ACOXL: variants seen among roughly 807,000 people sequenced by gnomAD.
ACOXL encodes acyl-coenzyme A oxidase-like protein.
A neutral mutation model predicts 71.9 loss-of-function variants in ACOXL; 70 were observed. That is an observed-to-expected ratio of 0.97 (90% CI 0.80 to 1.19). The LOEUF (loss-of-function observed/expected upper bound fraction) is 1.19. Among genes scored for constraint, ACOXL ranks in the 50% most tolerant of loss-of-function variants. ACOXL has a pLI of 0.00. For missense variants in ACOXL, 703 were observed against 736.3 expected (o/e 0.95, Z 0.52); for synonymous variants, 253 against 281.6 (o/e 0.90, Z 1.02).
At chr2:110,918,574 G>A (rs1574117491) in intron 11 of ACOXL, among the ~76,000 whole-genome samples, 1 of 152,166 alleles carries the variant, frequency 6.6e-6, no homozygotes, top group East Asian at 1.9e-4. Context: ...AAACTAAAGA[G>A]CTTCTGCACA....
chr2:110,847,232 T>C (rs1050374897), intron 10 of ACOXL, among the ~76,000 whole-genome samples: 2 of 152,114 alleles, frequency 1.3e-5, no homozygotes, highest in African/African-American at 4.8e-5. Flanking sequence ...TTAGATGTTC[T>C]TCCTGCCTGA....
intron 17 of ACOXL, among the ~76,000 whole-genome samples, chr2:111,102,629 A>T (rs1249219219): frequency 2.6e-5 from 4 of 150,960 alleles, no homozygotes; most frequent in African/African-American, 9.8e-5. Flanking sequence ...CTTGTACCTA[A>T]GAATAGCCAT....
intron 11 of ACOXL, among the ~76,000 whole-genome samples, chr2:110,918,790 CAT>C (rs1438125883): frequency 6.6e-6 from 1 of 152,096 alleles, no homozygotes; most frequent in African/African-American, 2.4e-5. Flanking sequence ...AGCCAACAAA[CAT>C]ATGAAAAAAA....
intron 12 of ACOXL, among the ~76,000 whole-genome samples, chr2:110,948,806 C>G (rs1243469723): frequency 1.3e-5 from 2 of 151,658 alleles, no homozygotes; most frequent in African/African-American, 4.8e-5. Context: ...GAACAGTCCT[C>G]CAGGCAAAGT....
At position 111,117,686 on chromosome 2, in the gene ACOXL, C is replaced by G; in HGVS notation, c.1613C>G (p.Thr538Ser). ...ATCTCGACCTTTAACATTCCACACA[C>G]CTACCTCCACGCACCAATCGCCGGA... The part of the protein sequence containing the change: ...RVISTFNIPH[T>S]YLHAPIAGIS... The change falls in exon 18 of 18, where the codon ACC becomes AGC. Residue 538 changes from threonine (T) to serine (S), a missense_variant. Transcript: ENST00000439055. 1 of 1,551,800 alleles carries G rather than the reference C, an allele frequency of 6.4e-7. No homozygotes were observed. The highest frequency in any genetic ancestry group is 8.7e-7 in the Non-Finnish European group (1 of 1,147,012).
At chr2:110,840,787 T>C (rs1457251025) in intron 9 of ACOXL, among the ~76,000 whole-genome samples, 1 of 152,178 alleles carries the variant, frequency 6.6e-6, no homozygotes, top group Non-Finnish European at 1.5e-5. Context: ...AATTTCAGGC[T>C]TGATTTATTT....
At chr2:110,987,306 T>C in intron 13 of ACOXL, 89 bp downstream of exon 13, 1 of 1,241,430 alleles carries the variant, frequency 8.1e-7, no homozygotes, top group Non-Finnish European at 1.1e-6. Context: ...TCACTCTTGC[T>C]TGAAATTTTT....
At chr2:110,990,920 G>A (rs1330737182) in intron 13 of ACOXL, among the ~76,000 whole-genome samples, 2 of 152,048 alleles carry the variant, frequency 1.3e-5, no homozygotes, top group Non-Finnish European at 2.9e-5. Context: ...TTAGGGGGAG[G>A]AGATTGTATA....
At chr2:110,816,780 A>C (rs978636008) in intron 9 of ACOXL, among the ~76,000 whole-genome samples, 2 of 152,214 alleles carry the variant, frequency 1.3e-5, no homozygotes, top group Non-Finnish European at 2.9e-5. Context: ...GGGGAATTCT[A>C]TCCGGGTGAG....
intron 10 of ACOXL, among the ~76,000 whole-genome samples, chr2:110,898,018 A>G (rs1278720047): frequency 6.6e-6 from 1 of 152,116 alleles, no homozygotes; most frequent in East Asian, 1.9e-4. Flanking sequence ...TCGTTAAAAA[A>G]CCCACAAAAT....
In ACOXL at chr2:110,801,440, G is replaced by T. The variant is rs1685980247; in HGVS notation, c.548-212G>T. 2.6e-5 allele frequency among the ~76,000 whole-genome samples: 4 copies of T among 152,278 alleles called. No homozygotes were observed. The Middle Eastern group carries it at 0.014, about 518-fold the overall frequency. On this transcript the variant is annotated intron_variant, in intron 7 of 17. Coordinates refer to ENST00000439055, the MANE Select transcript of ACOXL (RefSeq NM_001142807.4). ...GGAGAGTCCATTCTCCTCCACTCTC[G>T]CTAAGGAGGAAGGGGCCAGGCTGGT...
intron 3 of ACOXL, among the ~76,000 whole-genome samples, chr2:110,785,350 G>A (rs981042502): frequency 2.0e-5 from 3 of 149,942 alleles, no homozygotes; most frequent in Admixed American, 1.3e-4. Flanking sequence ...CAGATTTCAC[G>A]AGTTTTTACA....
At chr2:110,787,828 G>T (rs73956454) in intron 3 of ACOXL, among the ~76,000 whole-genome samples, 4 of 152,016 alleles carry the variant, frequency 2.6e-5, no homozygotes, top group Non-Finnish European at 4.4e-5. Context: ...TGTCCTTCCC[G>T]CAGGGATGCC....
intron 14 of ACOXL, among the ~76,000 whole-genome samples, chr2:111,004,616 G>A (rs748460217): frequency 4.6e-5 from 7 of 152,070 alleles, no homozygotes; most frequent in South Asian, 4.1e-4. Context: ...CAAACAACTC[G>A]TCATTACAGT....
intron 9 of ACOXL, among the ~76,000 whole-genome samples, chr2:110,822,338 T>A (rs1688714105): frequency 6.6e-6 from 1 of 152,194 alleles, no homozygotes. Context: ...TCTCCTTGCT[T>A]GTCTGTAGCC....
intron 10 of ACOXL, among the ~76,000 whole-genome samples, chr2:110,862,130 C>T (rs1694025973): frequency 6.6e-6 from 1 of 152,308 alleles, no homozygotes; most frequent in East Asian, 1.9e-4. Context: ...CTTTGGCATA[C>T]ACCTGCTCAC....
intron 12 of ACOXL, among the ~76,000 whole-genome samples, chr2:110,973,099 A>G (rs75696866): frequency 1.6e-4 from 24 of 152,374 alleles, no homozygotes; most frequent in African/African-American, 5.3e-4. Context: ...ACATGGTGCC[A>G]TAAGATAAAG....
At chr2:110,953,214 C>T (rs1017103131) in intron 12 of ACOXL, among the ~76,000 whole-genome samples, 5 of 152,010 alleles carry the variant, frequency 3.3e-5, no homozygotes, top group African/African-American at 4.8e-5. Context: ...CCTGAATTGG[C>T]GGAGCTGAGA....
intron 16 of ACOXL, among the ~76,000 whole-genome samples, chr2:111,078,282 T>C (rs2067706884): frequency 6.6e-6 from 1 of 152,172 alleles, no homozygotes; most frequent in South Asian, 2.1e-4. Context: ...TTCTTTTTTT[T>C]GAGACAGAGT....
Sources: gnomAD v4.1 joint callset for allele counts (sites outside exome capture counted in the v4.1 genomes callset) on GRCh38, gnomAD v4.1.1 for gene constraint, MANE v1.5 for transcripts, NCBI Gene and HGNC (gene_info 2026-07-23, HGNC 2026-07-21) for gene names.